The following HS3ST4 variants were observed in gnomAD, a reference collection of about 807,000 sequenced individuals.
The protein encoded by HS3ST4 is heparan sulfate-glucosamine 3-sulfotransferase 4.
Under a neutral mutation model 29.2 loss-of-function variants are expected in HS3ST4, and 17 were observed. The ratio of observed to expected loss-of-function variants is 0.58; its 90% CI spans 0.40 to 0.87. The LOEUF (loss-of-function observed/expected upper bound fraction) is 0.87. Ranked by LOEUF, HS3ST4 falls within the 40% of genes least tolerant of loss-of-function variation. The probability of loss-of-function intolerance (pLI) is 0.00; values close to 1 mark genes in which losing one functional copy is unlikely to be tolerated. For missense variants in HS3ST4, 627 were observed against 634.5 expected (o/e 0.99, Z 0.13); for synonymous variants, 314 against 285.7 (o/e 1.10, Z -1.00).
At chr16:26,017,252 G>GGA (rs1469034398) in intron 1 of HS3ST4, among the ~76,000 whole-genome samples, 1 of 152,184 alleles carries the variant, frequency 6.6e-6, no homozygotes, top group Non-Finnish European at 1.5e-5. Context: ...TGAGGAGAAA[G>GGA]GAAACTTCTG....
intron 1 of HS3ST4, among the ~76,000 whole-genome samples, chr16:26,001,411 A>G (rs984319444): frequency 1.3e-5 from 2 of 152,212 alleles, no homozygotes; most frequent in African/African-American, 4.8e-5. Flanking sequence ...AATCTAGATA[A>G]AACATATACA....
rs377498492 is a variant in HS3ST4, at chr16:26,019,519, A to C, written c.735-116093A>C. ...TTAACAGGAGGGCAATCAGAGTAAG[A>C]GGGCTGGCTGTACTAATTGCCTTCA... On this transcript the variant is annotated intron_variant, in intron 1 of 1. Coordinates refer to ENST00000331351, the MANE Select transcript of HS3ST4 (RefSeq NM_006040.3). 3.1e-3 allele frequency among the ~76,000 whole-genome samples: 440 copies of C among 141,060 alleles called. 3 individuals carry two copies. Among genetic ancestry groups the C allele is most frequent in the African/African-American group, 0.013 (410 of 31,668 alleles). The allele number at this position is 141,060 out of a possible 152,430, so 92.5% of individuals were successfully genotyped here. A position where few individuals can be genotyped will look rare whatever the true frequency, so the allele number is the denominator to read the frequency against.
intron 1 of HS3ST4, among the ~76,000 whole-genome samples, chr16:25,827,675 C>T (rs1967234077): frequency 6.6e-6 from 1 of 152,082 alleles, no homozygotes; most frequent in African/African-American, 2.4e-5. Flanking sequence ...TTAGCATATT[C>T]TCGTTTCTCC....
At chr16:25,700,086 G>A (rs1427286193) in intron 1 of HS3ST4, among the ~76,000 whole-genome samples, 4 of 152,054 alleles carry the variant, frequency 2.6e-5, no homozygotes, top group Admixed American at 2.0e-4. Flanking sequence ...TTCAAGATTA[G>A]GTCTGAATGA....
At chr16:25,741,023 C>T (rs190139702) in intron 1 of HS3ST4, among the ~76,000 whole-genome samples, 14 of 152,144 alleles carry the variant, frequency 9.2e-5, no homozygotes, top group Admixed American at 3.9e-4. Context: ...TTTGATTATA[C>T]TACATAAAGT....
chr16:26,109,176 A>G (rs1189041992), intron 1 of HS3ST4, among the ~76,000 whole-genome samples: 1 of 152,192 alleles, frequency 6.6e-6, no homozygotes, highest in Non-Finnish European at 1.5e-5. Flanking sequence ...TACCAACTGT[A>G]AAATATTTAC....
At chr16:25,898,209 A>G (rs1017937593) in intron 1 of HS3ST4, among the ~76,000 whole-genome samples, 3 of 152,190 alleles carry the variant, frequency 2.0e-5, no homozygotes, top group Non-Finnish European at 4.4e-5. Context: ...CCTGTGTCCA[A>G]TCTCTCACCC....
intron 1 of HS3ST4, among the ~76,000 whole-genome samples, chr16:25,852,235 C>T (rs9928739): frequency 0.013 from 1,903 of 152,236 alleles, 42 homozygotes; most frequent in African/African-American, 0.043. Flanking sequence ...CTTCTTTAAT[C>T]CCCTTTCCAA....
intron 1 of HS3ST4, among the ~76,000 whole-genome samples, chr16:25,835,131 T>G (rs1967344616): frequency 1.3e-5 from 2 of 152,236 alleles, no homozygotes; most frequent in South Asian, 4.1e-4. Context: ...ATTCTAAGAT[T>G]CTTTATGCCT....
chr16:25,973,496 G>T (rs1252479726), intron 1 of HS3ST4, among the ~76,000 whole-genome samples: 1 of 152,158 alleles, frequency 6.6e-6, no homozygotes, highest in Non-Finnish European at 1.5e-5. Flanking sequence ...TCCAAGATGT[G>T]CCCATGAAGA....
intron 1 of HS3ST4, among the ~76,000 whole-genome samples, chr16:26,088,454 G>A (rs1055215324): frequency 6.6e-6 from 1 of 152,150 alleles, no homozygotes; most frequent in Non-Finnish European, 1.5e-5. Context: ...ACAGTGGCTT[G>A]GTTGGTTTGT....
intron 1 of HS3ST4, among the ~76,000 whole-genome samples, chr16:26,102,824 A>C (rs1899004800): frequency 6.6e-6 from 1 of 152,140 alleles, no homozygotes; most frequent in Non-Finnish European, 1.5e-5. Flanking sequence ...TTTTACTTCC[A>C]GTTTTTCAAA....
At chr16:25,730,542 C>G (rs530095025) in intron 1 of HS3ST4, among the ~76,000 whole-genome samples, 1 of 146,100 alleles carries the variant, frequency 6.8e-6, no homozygotes, top group Admixed American at 6.8e-5. Context: ...TCCCTCTCTT[C>G]CTTATCTCCC....
At chr16:26,015,695 G>A (rs1969356011) in intron 1 of HS3ST4, among the ~76,000 whole-genome samples, 1 of 152,158 alleles carries the variant, frequency 6.6e-6, no homozygotes, top group South Asian at 2.1e-4. Context: ...ACTACTAAGT[G>A]TCATCTGAGG....
chr16:25,841,090 C>T lies in HS3ST4; in HGVS notation c.734+147939C>T, dbSNP rs138042057. 5.7e-3 allele frequency among the ~76,000 whole-genome samples: 865 copies of T among 150,848 alleles called. 6 individuals carry two copies. The highest frequency in any genetic ancestry group is 0.017 in the African/African-American group (684 of 40,936). ...TGCGATCTCTGCTCACTGCAGGCTCCGCCCCCCGGGGTTCATGCCATTCTC... is the reference window on the plus strand; with the variant it reads ...TGCGATCTCTGCTCACTGCAGGCTCTGCCCCCCGGGGTTCATGCCATTCTC... On this transcript the variant is annotated intron_variant, in intron 1 of 1. Coordinates refer to ENST00000331351, the MANE Select transcript of HS3ST4 (RefSeq NM_006040.3).
chr16:25,742,888 C>T (rs763755309), intron 1 of HS3ST4, among the ~76,000 whole-genome samples: 1 of 152,168 alleles, frequency 6.6e-6, no homozygotes, highest in Non-Finnish European at 1.5e-5. Context: ...AAATTTGTGC[C>T]TCTGATTTCT....
At chr16:25,906,653 G>C (rs1968183473) in intron 1 of HS3ST4, among the ~76,000 whole-genome samples, 1 of 152,192 alleles carries the variant, frequency 6.6e-6, no homozygotes, top group Admixed American at 6.5e-5. Context: ...ATTTATACCT[G>C]TTTAAGATAA....
intron 1 of HS3ST4, among the ~76,000 whole-genome samples, chr16:25,828,278 T>TTCTTTCTC (rs1967248520): frequency 2.3e-5 from 2 of 87,784 alleles, no homozygotes; most frequent in Non-Finnish European, 4.5e-5. Context: ...CTTTCTTTCT[T>TTCTTTCTC]TCTTTCTTTC....
intron 1 of HS3ST4, among the ~76,000 whole-genome samples, chr16:25,855,025 A>T (rs1193952444): frequency 6.6e-6 from 1 of 152,132 alleles, no homozygotes; most frequent in Non-Finnish European, 1.5e-5. Context: ...ATAAATCAAT[A>T]CATGTAAGGT....
Sources: allele counts gnomAD v4.1 joint callset (sites outside exome capture counted in the v4.1 genomes callset), GRCh38; gene constraint gnomAD v4.1.1; transcripts MANE v1.5; gene names NCBI Gene and HGNC (gene_info 2026-07-23, HGNC 2026-07-21).